Variants in RIT2 observed in about 807,000 individuals in gnomAD.
The protein encoded by RIT2 is GTP-binding protein Rit2.
A neutral mutation model predicts 23.7 loss-of-function variants in RIT2; 24 were observed. The ratio of observed to expected loss-of-function variants is 1.01; its 90% confidence interval spans 0.73 to 1.43. The LOEUF (loss-of-function observed/expected upper bound fraction) is 1.43, where lower values mean the gene tolerates loss of function less well. Ranked by LOEUF, RIT2 falls within the 40% of genes most tolerant of loss-of-function variation. The pLI is 0.00. For missense variants in RIT2, 236 were observed against 266.9 expected (o/e 0.88, Z 0.81); for synonymous variants, 107 against 91.1 (o/e 1.17, Z -0.99).
chr18:43,052,707 G>A lies in RIT2; in HGVS notation c.104-18840C>T, dbSNP rs150915425. ...ATTTAAACTCATAACATTTAGCTCAGTTTCCCTTTCCTAAGAATTTACCTG... is the reference window on the plus strand; with the variant it reads ...ATTTAAACTCATAACATTTAGCTCAATTTCCCTTTCCTAAGAATTTACCTG... On this transcript the variant is annotated intron_variant, in intron 1 of 4. Transcript: ENST00000326695. Among the ~76,000 whole-genome samples, 427 of 152,082 alleles carry A rather than the reference G, an allele frequency of 2.8e-3. 2 individuals carry two copies. The highest frequency in any genetic ancestry group is 9.6e-3 in the African/African-American group (400 of 41,496).
chr18:43,087,757 C>A (rs2144356050), intron 1 of RIT2, among the ~76,000 whole-genome samples: 1 of 152,164 alleles, frequency 6.6e-6, no homozygotes, highest in East Asian at 1.9e-4. Context: ...AACAATATTT[C>A]TTTTTCAACC....
At chr18:42,985,905 T>C (rs1568047291) in intron 2 of RIT2, among the ~76,000 whole-genome samples, 2 of 151,990 alleles carry the variant, frequency 1.3e-5, no homozygotes, top group South Asian at 2.1e-4. Context: ...TTTATAAAAA[T>C]TGGGCTACAT....
At chr18:43,088,391 A>C (rs893976739) in intron 1 of RIT2, among the ~76,000 whole-genome samples, 1 of 152,170 alleles carries the variant, frequency 6.6e-6, no homozygotes, top group Non-Finnish European at 1.5e-5. Context: ...AGTTTAGTAA[A>C]AACTTGAAGC....
At chr18:43,038,609 T>G (rs1015278019) in intron 1 of RIT2, among the ~76,000 whole-genome samples, 1 of 152,100 alleles carries the variant, frequency 6.6e-6, no homozygotes. Context: ...CTTCTTTAAG[T>G]TATTTCTGTT....
At chr18:43,090,184 C>CA (rs1256268645) in intron 1 of RIT2, among the ~76,000 whole-genome samples, 5 of 151,458 alleles carry the variant, frequency 3.3e-5, no homozygotes, top group Admixed American at 1.3e-4. Context: ...TTACAAGAAA[C>CA]AAAAAAACAT....
chr18:43,028,040 C>T (rs1317303018), intron 2 of RIT2, among the ~76,000 whole-genome samples: 1 of 152,016 alleles, frequency 6.6e-6, no homozygotes, highest in Non-Finnish European at 1.5e-5. Context: ...TGTTTTCTGA[C>T]ATCATGGAAC....
chr18:43,009,210 ATTAG>A (rs1397369880), intron 2 of RIT2, among the ~76,000 whole-genome samples: 1 of 151,774 alleles, frequency 6.6e-6, no homozygotes, highest in Non-Finnish European at 1.5e-5. Context: ...TAGAAAAAAA[ATTAG>A]TTAAATATAC....
At chr18:42,893,687 T>A (rs1908244372) in intron 4 of RIT2, among the ~76,000 whole-genome samples, 1 of 152,136 alleles carries the variant, frequency 6.6e-6, no homozygotes. Context: ...ACACCACCTT[T>A]GAAATAGTTT....
At position 42,816,001 on chromosome 18, in the gene RIT2, A is replaced by G. The variant is rs937879212; in HGVS notation, c.427-72281T>C. Reference sequence around the variant, plus strand: ...ACTTGGCTTTCAGAATCCAGTCTACACAGAAAGCATGACAGCATAGTCTTT... The same window carrying G: ...ACTTGGCTTTCAGAATCCAGTCTACGCAGAAAGCATGACAGCATAGTCTTT... On this transcript the variant is annotated intron_variant, in intron 4 of 4. Transcript: ENST00000326695. 3.3e-5 allele frequency among the ~76,000 whole-genome samples: 5 copies of G among 152,168 alleles called. No individual in the cohort carries two copies. The South Asian group carries it at 1.0e-3, about 31-fold the overall frequency.
At chr18:42,779,931 T>G (rs1913766980) in intron 4 of RIT2, among the ~76,000 whole-genome samples, 1 of 152,090 alleles carries the variant, frequency 6.6e-6, no homozygotes, top group East Asian at 1.9e-4. Context: ...TAGTCAATTT[T>G]GCTAGGTAAT....
chr18:42,849,869 C>A (rs1160218030), intron 4 of RIT2, among the ~76,000 whole-genome samples: 1 of 152,134 alleles, frequency 6.6e-6, no homozygotes, highest in Non-Finnish European at 1.5e-5. Flanking sequence ...AGCTGTCTGA[C>A]AAGGGAAAAG....
chr18:42,775,412 C>T (rs1291132459), intron 4 of RIT2, among the ~76,000 whole-genome samples: 1 of 152,088 alleles, frequency 6.6e-6, no homozygotes, highest in Non-Finnish European at 1.5e-5. Flanking sequence ...AAATGCCATA[C>T]CCGGCAGGGC....
chr18:42,774,520 T>C (rs1167591133), intron 4 of RIT2, among the ~76,000 whole-genome samples: 2 of 151,860 alleles, frequency 1.3e-5, no homozygotes, highest in Non-Finnish European at 2.9e-5. Flanking sequence ...ATATTCTCAC[T>C]ATCATTTCCC....
chr18:42,917,808 C>G (rs183658146), intron 4 of RIT2, among the ~76,000 whole-genome samples: 9 of 152,216 alleles, frequency 5.9e-5, no homozygotes, highest in African/African-American at 1.7e-4. Flanking sequence ...TTTGTTCTGT[C>G]TGGAATGCTC....
At chr18:42,776,461 G>T (rs912671163) in intron 4 of RIT2, among the ~76,000 whole-genome samples, 21 of 152,000 alleles carry the variant, frequency 1.4e-4, no homozygotes, top group African/African-American at 4.8e-4. Context: ...TACTACAAAT[G>T]CATGCACTCT....
At chr18:42,790,529 G>T (rs1053843360) in intron 4 of RIT2, among the ~76,000 whole-genome samples, 1 of 152,122 alleles carries the variant, frequency 6.6e-6, no homozygotes, top group East Asian at 1.9e-4. Flanking sequence ...TGCAAGCTCC[G>T]CCTCCTGGGT....
chr18:42,927,166 A>G (rs1337038264), intron 3 of RIT2, among the ~76,000 whole-genome samples: 1 of 152,004 alleles, frequency 6.6e-6, no homozygotes, highest in East Asian at 1.9e-4. Context: ...TTTTAGCTGC[A>G]TTAAATATAA....
chr18:42,826,462 A>T (rs1420219275), intron 4 of RIT2, among the ~76,000 whole-genome samples: 1 of 152,132 alleles, frequency 6.6e-6, no homozygotes, highest in Non-Finnish European at 1.5e-5. Context: ...TTTTACGTTT[A>T]TATCTTCCCA....
intron 2 of RIT2, among the ~76,000 whole-genome samples, chr18:42,992,935 TA>T (rs1320520028): frequency 6.6e-6 from 1 of 152,122 alleles, no homozygotes; most frequent in African/African-American, 2.4e-5. Flanking sequence ...CGACATGAAA[TA>T]AAGCTCCAAA....
Sources: allele counts gnomAD v4.1 joint callset (sites outside exome capture counted in the v4.1 genomes callset), GRCh38; gene constraint gnomAD v4.1.1; transcripts MANE v1.5; gene names NCBI Gene and HGNC (gene_info 2026-07-23, HGNC 2026-07-21).